The following KDM3A variants were observed in gnomAD, a reference collection of about 807,000 sequenced individuals.
KDM3A encodes the protein lysine-specific demethylase 3A.
In KDM3A, 60 loss-of-function variants were observed where a neutral mutation model predicts 158.0. That is an observed-to-expected ratio of 0.38 (90% CI 0.31 to 0.47). The LOEUF (loss-of-function observed/expected upper bound fraction) is 0.47. KDM3A is among the 20% of genes least tolerant of loss of function. The pLI, the probability that KDM3A is intolerant of heterozygous loss-of-function variation, is 0.99. For synonymous variants in KDM3A, 608 were observed against 549.3 expected, an observed-to-expected ratio of 1.11 and a Z score of -1.49; for missense variants, 1,319 against 1,574.3, an observed-to-expected ratio of 0.84 and a Z score of 2.74.
chr2:86,449,738 G>T lies in KDM3A; in HGVS notation c.187-69G>T, dbSNP rs369850707. On this transcript the variant is annotated intron_variant, in intron 2 of 25. Transcript: ENST00000312912. The stretch of plus-strand genomic sequence containing the variant: ...AGAATAATGAAGGTATAGTTCAGCT[G>T]GGGCATTTGTAATGCTTATTTTAAT... 45 of 1,479,508 alleles carry T rather than the reference G, an allele frequency of 3.0e-5. No individual in the cohort carries two copies. In the East Asian group the frequency reaches 5.1e-4, roughly 17 times the overall value. 91.6% of individuals were successfully genotyped at this position (1,479,508 alleles called of 1,614,324 possible).
chr2:86,440,646 C>T (rs1682648747), upstream of KDM3A: 1 of 152,258 alleles, frequency 6.6e-6, no homozygotes, highest in African/African-American at 2.4e-5. Context: ...TAATGAACGT[C>T]ATTATCCAGT....
chr2:86,447,003 A>G (rs1682983108), intron 2 of KDM3A, among the ~76,000 whole-genome samples: 1 of 152,122 alleles, frequency 6.6e-6, no homozygotes, highest in African/African-American at 2.4e-5. Context: ...GTAGAGACGA[A>G]GTTTCCCCAC....
intron 9 of KDM3A, 39 bp downstream of exon 9, chr2:86,464,255 TAAA>T (rs1245089196): frequency 1.5e-6 from 2 of 1,367,976 alleles, no homozygotes; most frequent in East Asian, 2.7e-5. Context: ...ATTATAATAA[TAAA>T]AAATTATTTT....
chr2:86,461,576 A>T (rs973329017), intron 8 of KDM3A, among the ~76,000 whole-genome samples: 1 of 152,176 alleles, frequency 6.6e-6, no homozygotes, highest in African/African-American at 2.4e-5. Context: ...TGTGTGTCCC[A>T]TTGTGAGGAG....
At chr2:86,490,337 A>G (rs1426156882) in intron 23 of KDM3A, 1 of 152,836 alleles carries the variant, frequency 6.5e-6, no homozygotes, top group Non-Finnish European at 1.5e-5. Flanking sequence ...GGCCCCAAGT[A>G]TGTCTTTAAC....
intron 1 of KDM3A, among the ~76,000 whole-genome samples, chr2:86,441,694 C>G (rs1483677897): frequency 6.6e-6 from 1 of 151,004 alleles, no homozygotes; most frequent in African/African-American, 2.4e-5. Context: ...CACCAGGGGC[C>G]TTTTCTTTTC....
intron 2 of KDM3A, 165 bp downstream of exon 2, chr2:86,442,398 G>C: frequency 1.5e-6 from 1 of 664,276 alleles, no homozygotes; most frequent in South Asian, 2.0e-5. Flanking sequence ...TGGTTGTATA[G>C]AGCCGAGTTG....
chr2:86,491,128 T>A lies in KDM3A; in HGVS notation c.3751-13T>A. ...TTGGGTTTGTTACTGATATATTACTTGGTGTTTTTCAGGTTCATAACTTAT... is the reference window on the plus strand; with the variant it reads ...TTGGGTTTGTTACTGATATATTACTAGGTGTTTTTCAGGTTCATAACTTAT... On this transcript the variant is annotated splice_polypyrimidine_tract_variant and intron_variant, in intron 24 of 25. Transcript: ENST00000312912. 1.2e-6 allele frequency: 2 copies of A among 1,613,876 alleles called. No individual in the cohort carries two copies.
At chr2:86,465,955 AAAG>A (rs1673124437) in intron 9 of KDM3A, among the ~76,000 whole-genome samples, 6 of 150,760 alleles carry the variant, frequency 4.0e-5, no homozygotes, top group African/African-American at 4.9e-5. Flanking sequence ...AAAAAAAAAA[AAAG>A]AAGAAAGAAA....
At chr2:86,476,966 C>G (rs1438206825) in intron 12 of KDM3A, among the ~76,000 whole-genome samples, 5 of 152,194 alleles carry the variant, frequency 3.3e-5, no homozygotes, top group Admixed American at 2.6e-4. Context: ...TGCCAGGAGT[C>G]TCCTAGTCAG....
intron 23 of KDM3A, 23 bp from the exon 24 acceptor site, chr2:86,490,858 A>G (rs746788181): frequency 7.5e-6 from 12 of 1,593,356 alleles, no homozygotes; most frequent in African/African-American, 2.7e-5. Flanking sequence ...ACTGAGTTGC[A>G]TAATATTTTG....
chr2:86,455,294 C>CT (rs767439758), intron 5 of KDM3A, 107 bp downstream of exon 5: 44,912 of 527,750 alleles, frequency 0.085, 4 homozygotes, highest in Middle Eastern at 0.1. Context: ...TTTCTTTTTT[C>CT]TTTTTTTTTT....
intron 12 of KDM3A, 38 bp from the exon 13 acceptor site, chr2:86,477,839 C>G: frequency 6.4e-7 from 1 of 1,551,064 alleles, no homozygotes; most frequent in East Asian, 2.3e-5. Context: ...CAGAAGCCCT[C>G]TCCTTCCAAA....
intron 1 of KDM3A, 30 bp from the exon 2 acceptor site, chr2:86,441,988 C>G: frequency 1.9e-6 from 3 of 1,587,944 alleles, no homozygotes; most frequent in South Asian, 1.1e-5. Flanking sequence ...CCGGCCGCCC[C>G]CGTCGCATTT....
Position 86,442,209 on chromosome 2 carries a change from C to T in KDM3A, c.162C>T (p.Thr54=), listed in dbSNP as rs764816560. 6.2e-7 allele frequency: 1 copy of T among 1,611,270 alleles called. No individual in the cohort carries two copies. The highest frequency in any genetic ancestry group is 1.7e-5 in the Admixed American group (1 of 59,762). ...LSGTIRAVSH[T]DVTKKDLKVC... The stretch of plus-strand genomic sequence containing the variant: ...GGACCATTCGAGCTGTTTCCCACAC[C>T]GACGTTACCAAGAAGGATCTGAAGG... Residue 54 remains threonine, a synonymous_variant, in exon 2 of 26, where the codon ACC becomes ACT. Transcript: ENST00000312912.
chr2:86,461,779 A>G (rs1389129072), intron 8 of KDM3A, among the ~76,000 whole-genome samples: 2 of 152,200 alleles, frequency 1.3e-5, no homozygotes, highest in Non-Finnish European at 2.9e-5. Context: ...ACTGAAAACG[A>G]TGTAGCCAGA....
intron 16 of KDM3A, 83 bp downstream of exon 16, chr2:86,480,445 C>T (rs192230916): frequency 1.8e-4 from 219 of 1,214,488 alleles, no homozygotes; most frequent in Non-Finnish European, 2.4e-4. Context: ...GGTTAGAAGT[C>T]GTGTGGAATG....
chr2:86,468,708 C>T (rs1038671563), intron 10 of KDM3A, among the ~76,000 whole-genome samples: 1 of 152,090 alleles, frequency 6.6e-6, no homozygotes, highest in Non-Finnish European at 1.5e-5. Flanking sequence ...TTTTCTGCTC[C>T]TTTCTTCCAC....
At chr2:86,474,701 T>TTTTTG (rs1553396793) in intron 11 of KDM3A, 75 bp from the exon 12 acceptor site, 47 of 429,138 alleles carry the variant, frequency 1.1e-4, no homozygotes, top group Non-Finnish European at 3.7e-5. Flanking sequence ...TGTAAATAAG[T>TTTTTG]TGTGTGTGTG....
Sources: gnomAD v4.1 joint callset for allele counts (sites outside exome capture counted in the v4.1 genomes callset) on GRCh38, gnomAD v4.1.1 for gene constraint, MANE v1.5 for transcripts, NCBI Gene and HGNC (gene_info 2026-07-23, HGNC 2026-07-21) for gene names.